The following GRID2 variants were observed in gnomAD, a reference collection of about 807,000 sequenced individuals.
The protein encoded by GRID2 is glutamate ionotropic receptor delta type subunit 2, also known as glutamate receptor ionotropic, delta-2.
In GRID2, 33 loss-of-function variants were observed where a neutral mutation model predicts 114.8. That is an observed-to-expected ratio of 0.29 (90% CI 0.22 to 0.38). The LOEUF (loss-of-function observed/expected upper bound fraction) is 0.38. Ranked by LOEUF, GRID2 falls within the 10% of genes least tolerant of loss-of-function variation. GRID2 has a pLI of 1.00. For synonymous variants in GRID2, 505 were observed against 449.9 expected (o/e 1.12, Z -1.55); for missense variants, 1,184 against 1,257.7 (o/e 0.94, Z 0.89).
intron 2 of GRID2, among the ~76,000 whole-genome samples, chr4:92,690,676 T>C (rs1423667343): frequency 6.6e-6 from 1 of 152,178 alleles, no homozygotes; most frequent in Non-Finnish European, 1.5e-5. Flanking sequence ...TACCTGTATA[T>C]AAAAATTCAG....
intron 8 of GRID2, among the ~76,000 whole-genome samples, chr4:93,351,963 CT>C (rs1760845564): frequency 6.6e-6 from 1 of 152,042 alleles, no homozygotes; most frequent in Admixed American, 6.6e-5. Flanking sequence ...ATGCCTTACA[CT>C]TTCATTCATC....
intron 2 of GRID2, among the ~76,000 whole-genome samples, chr4:93,018,560 A>G (rs1192019644): frequency 6.6e-6 from 1 of 152,152 alleles, no homozygotes; most frequent in Non-Finnish European, 1.5e-5. Context: ...TTTAAGAGCA[A>G]TTTATAAAGC....
chr4:93,229,070 G>T (rs1226681963), intron 7 of GRID2, among the ~76,000 whole-genome samples: 2 of 151,996 alleles, frequency 1.3e-5, no homozygotes, highest in Non-Finnish European at 2.9e-5. Flanking sequence ...TTTGTGTCAA[G>T]AAACTCAGTT....
At chr4:93,492,430 G>T (rs1056974122) in intron 12 of GRID2, among the ~76,000 whole-genome samples, 2 of 151,806 alleles carry the variant, frequency 1.3e-5, no homozygotes, top group East Asian at 1.9e-4. Flanking sequence ...CATTCTAACT[G>T]CATCATGTTA....
chr4:92,621,147 C>T (rs1057027103), intron 2 of GRID2, among the ~76,000 whole-genome samples: 1 of 151,620 alleles, frequency 6.6e-6, no homozygotes, highest in Non-Finnish European at 1.5e-5. Context: ...ACAGACCATC[C>T]CATCACTCAG....
chr4:93,035,702 T>G (rs994149847), intron 2 of GRID2, among the ~76,000 whole-genome samples: 1 of 152,166 alleles, frequency 6.6e-6, no homozygotes, highest in Non-Finnish European at 1.5e-5. Flanking sequence ...TCACTGGCTA[T>G]TGGTCAGATA....
At chr4:92,981,789 A>G (rs541213278) in intron 2 of GRID2, among the ~76,000 whole-genome samples, 8 of 152,078 alleles carry the variant, frequency 5.3e-5, no homozygotes, top group African/African-American at 1.9e-4. Context: ...AATCAATACA[A>G]TATAGAGACT....
intron 11 of GRID2, among the ~76,000 whole-genome samples, chr4:93,483,189 G>A (rs1726044873): frequency 6.6e-6 from 1 of 151,850 alleles, no homozygotes; most frequent in South Asian, 2.1e-4. Context: ...GATTCTGTAA[G>A]TGTAAAACAC....
intron 13 of GRID2, among the ~76,000 whole-genome samples, chr4:93,570,270 T>G (rs1364015035): frequency 1.3e-5 from 2 of 152,198 alleles, no homozygotes; most frequent in Non-Finnish European, 2.9e-5. Context: ...TTTCTGGAGT[T>G]TGTTCTGCTC....
At chr4:93,069,686 C>G (rs948164392) in intron 2 of GRID2, among the ~76,000 whole-genome samples, 1 of 152,028 alleles carries the variant, frequency 6.6e-6, no homozygotes, top group African/African-American at 2.4e-5. Flanking sequence ...AGAGAAATGT[C>G]GTTATGTTTT....
chr4:92,998,826 A>G (rs1755364960), intron 2 of GRID2, among the ~76,000 whole-genome samples: 1 of 133,688 alleles, frequency 7.5e-6, no homozygotes, highest in African/African-American at 3.0e-5. Context: ...GGATCATTTA[A>G]AAAAATATTA....
intron 10 of GRID2, among the ~76,000 whole-genome samples, chr4:93,434,685 T>C (rs961286935): frequency 1.3e-5 from 2 of 152,168 alleles, no homozygotes; most frequent in African/African-American, 4.8e-5. Flanking sequence ...CACTCTTGAC[T>C]GCCTTCAATA....
At chr4:93,629,561 A>T (rs984003854) in intron 14 of GRID2, among the ~76,000 whole-genome samples, 1 of 152,194 alleles carries the variant, frequency 6.6e-6, no homozygotes, top group Non-Finnish European at 1.5e-5. Flanking sequence ...AATTATAAAG[A>T]TCATCAAATT....
At chr4:93,115,877 A>G (rs1733197657) in intron 4 of GRID2, among the ~76,000 whole-genome samples, 2 of 152,174 alleles carry the variant, frequency 1.3e-5, no homozygotes, top group Non-Finnish European at 1.5e-5. Context: ...ACACATGGGA[A>G]CTACAGGAGC....
At chr4:93,231,191 T>G (rs1409041079) in intron 7 of GRID2, among the ~76,000 whole-genome samples, 1 of 152,086 alleles carries the variant, frequency 6.6e-6, no homozygotes, top group East Asian at 1.9e-4. Context: ...AGCCTGTTTT[T>G]ATTTACAGAA....
At chr4:92,972,131 A>G (rs1475435428) in intron 2 of GRID2, among the ~76,000 whole-genome samples, 1 of 151,456 alleles carries the variant, frequency 6.6e-6, no homozygotes, top group Non-Finnish European at 1.5e-5. Context: ...ACTGTTCTCC[A>G]TAGCAGCTGT....
intron 14 of GRID2, among the ~76,000 whole-genome samples, chr4:93,720,803 A>G (rs576137585): frequency 6.6e-5 from 10 of 152,302 alleles, no homozygotes; most frequent in African/African-American, 2.4e-4. Context: ...GTCACCTAAA[A>G]AATCTCTATG....
At chr4:93,183,927 A>G (rs571208839) in intron 4 of GRID2, among the ~76,000 whole-genome samples, 1 of 152,354 alleles carries the variant, frequency 6.6e-6, no homozygotes, top group East Asian at 1.9e-4. Context: ...CTTACACTAT[A>G]TCAGTTCTTA....
intron 1 of GRID2, among the ~76,000 whole-genome samples, chr4:92,442,882 G>A (rs1021180038): frequency 1.3e-5 from 2 of 152,144 alleles, no homozygotes; most frequent in African/African-American, 4.8e-5. Context: ...TGTTGGGCAG[G>A]AGGGGGAGGG....
Sources: gnomAD v4.1 joint callset for allele counts (sites outside exome capture counted in the v4.1 genomes callset) on GRCh38, gnomAD v4.1.1 for gene constraint, MANE v1.5 for transcripts, NCBI Gene and HGNC (gene_info 2026-07-23, HGNC 2026-07-21) for gene names.